Variants in ANKFN1 observed in about 807,000 individuals in gnomAD.
ANKFN1 encodes ankyrin repeat and fibronectin type III domain containing 1.
Under a neutral mutation model 108.7 loss-of-function variants are expected in ANKFN1, and 74 were observed. The observed-to-expected ratio is 0.68, with a 90% confidence interval of 0.56 to 0.83. The LOEUF (loss-of-function observed/expected upper bound fraction) is 0.83. ANKFN1 is among the 40% of genes least tolerant of loss of function. The pLI is 0.00. For synonymous variants in ANKFN1, 547 were observed against 516.2 expected, an observed-to-expected ratio of 1.06 and a Z score of -0.81; for missense variants, 1,505 against 1,382.3, an observed-to-expected ratio of 1.09 and a Z score of -1.41.
At chr17:56,509,255 C>A (rs994909579) in intron 20 of ANKFN1, among the ~76,000 whole-genome samples, 1 of 152,200 alleles carries the variant, frequency 6.6e-6, no homozygotes, top group African/African-American at 2.4e-5. Context: ...GATACTTTCT[C>A]TCTTGTGTGA....
chr17:56,147,168 A>G (rs1260718068), intron 4 of ANKFN1, among the ~76,000 whole-genome samples: 2 of 152,180 alleles, frequency 1.3e-5, no homozygotes, highest in Admixed American at 1.3e-4. Flanking sequence ...TACCACTATC[A>G]GCATTTTGGT....
At chr17:56,382,676 A>G (rs1247728644) in intron 8 of ANKFN1, among the ~76,000 whole-genome samples, 1 of 152,196 alleles carries the variant, frequency 6.6e-6, no homozygotes, top group East Asian at 1.9e-4. Flanking sequence ...AGGTGTTGCA[A>G]TCCTAGTCTC....
At chr17:56,322,761 G>C (rs774393638) in intron 3 of ANKFN1, among the ~76,000 whole-genome samples, 3 of 152,198 alleles carry the variant, frequency 2.0e-5, no homozygotes, top group Non-Finnish European at 4.4e-5. Flanking sequence ...ACAGAAAGAA[G>C]TAATAATTCT....
upstream of ANKFN1, among the ~76,000 whole-genome samples, chr17:56,150,839 G>T (rs1908558574): frequency 7.4e-6 from 1 of 135,642 alleles, no homozygotes; most frequent in African/African-American, 2.8e-5. Flanking sequence ...AGATATCAGT[G>T]ACATTGCTGT....
intron 3 of ANKFN1, among the ~76,000 whole-genome samples, chr17:56,274,249 G>T (rs1241391011): frequency 6.6e-6 from 1 of 152,042 alleles, no homozygotes; most frequent in African/African-American, 2.4e-5. Flanking sequence ...CGAGGCAGGC[G>T]GATCACGAGG....
intron 7 of ANKFN1, among the ~76,000 whole-genome samples, chr17:56,374,323 C>T (rs932571106): frequency 6.6e-6 from 1 of 152,196 alleles, no homozygotes; most frequent in Non-Finnish European, 1.5e-5. Flanking sequence ...TTCACTGATC[C>T]AGCCCAATCT....
At chr17:56,085,423 G>A (rs1905299792) in intron 4 of ANKFN1, among the ~76,000 whole-genome samples, 1 of 150,910 alleles carries the variant, frequency 6.6e-6, no homozygotes, top group African/African-American at 2.4e-5. Context: ...CACAAGCCAA[G>A]GATATCTGGG....
intron 3 of ANKFN1, among the ~76,000 whole-genome samples, chr17:56,304,401 A>T (rs1247299105): frequency 6.6e-6 from 1 of 152,180 alleles, no homozygotes; most frequent in Non-Finnish European, 1.5e-5. Context: ...CTGTTGAAGG[A>T]CAACTGAGTT....
chr17:56,197,814 A>T (rs1913659730), intron 1 of ANKFN1, among the ~76,000 whole-genome samples: 1 of 152,218 alleles, frequency 6.6e-6, no homozygotes, highest in Non-Finnish European at 1.5e-5. Flanking sequence ...TGCACCAGGG[A>T]CCAGTTTCGT....
At chr17:56,073,378 C>T (rs1199122837) in intron 4 of ANKFN1, among the ~76,000 whole-genome samples, 1 of 152,230 alleles carries the variant, frequency 6.6e-6, no homozygotes, top group Non-Finnish European at 1.5e-5. Flanking sequence ...ACTCACGTGT[C>T]TACCACCTGG....
chr17:56,075,630 A>G (rs1905172825), intron 4 of ANKFN1, among the ~76,000 whole-genome samples: 1 of 152,148 alleles, frequency 6.6e-6, no homozygotes, highest in African/African-American at 2.4e-5. Context: ...ATAAACATTC[A>G]TTTATATGTA....
chr17:56,310,806 T>C (rs965580608), intron 3 of ANKFN1, among the ~76,000 whole-genome samples: 3 of 150,118 alleles, frequency 2.0e-5, no homozygotes, highest in African/African-American at 7.4e-5. Flanking sequence ...ATAACAAATT[T>C]CAAGTGTACA....
chr17:56,263,454 A>G (rs939916190), intron 3 of ANKFN1, among the ~76,000 whole-genome samples: 1 of 152,194 alleles, frequency 6.6e-6, no homozygotes, highest in African/African-American at 2.4e-5. Flanking sequence ...AATATTTGCA[A>G]TTTTCTAGAT....
At chr17:56,333,326 A>G (rs905465008) in intron 4 of ANKFN1, among the ~76,000 whole-genome samples, 2 of 152,142 alleles carry the variant, frequency 1.3e-5, no homozygotes, top group Non-Finnish European at 2.9e-5. Context: ...CAGATTGAAG[A>G]GGTTCCCTTA....
At position 56,514,150 on chromosome 17, in the gene ANKFN1, C is replaced by T. The variant is rs1490632734; in HGVS notation, c.*2881C>T. ...TGAGAGCCTCTGAAGGAAACTGTCC[C>T]AGGTCTTCTTTTCCAGGGTTTTCTA... On this transcript the variant is annotated 3_prime_UTR_variant, in exon 21 of 21. Transcript: ENST00000682825. 1.3e-5 allele frequency among the ~76,000 whole-genome samples: 2 copies of T among 152,082 alleles called. No homozygotes were observed. The highest frequency in any genetic ancestry group is 2.9e-5 in the Non-Finnish European group (2 of 68,022).
chr17:56,494,360 G>A (rs2051129774), intron 19 of ANKFN1, among the ~76,000 whole-genome samples: 2 of 152,118 alleles, frequency 1.3e-5, no homozygotes, highest in South Asian at 4.1e-4. Flanking sequence ...TGGGGAAGGG[G>A]TGGGAAAAGG....
At position 56,449,177 on chromosome 17, in the gene ANKFN1, A is replaced by G. The variant is rs1189265682; in HGVS notation, c.1198A>G (p.Ser400Gly). The G allele has an allele frequency of 6.2e-7, 1 of 1,612,938 alleles. No homozygotes were observed. Among genetic ancestry groups the G allele is most frequent in the East Asian group, 2.2e-5 (1 of 44,818 alleles). The change falls in exon 11 of 21, where the codon AGT (serine) becomes GGT (glycine). Residue 400 changes from serine (S) to glycine (G), a missense_variant. By Grantham distance (56) the Ser-to-Gly change is moderately conservative. Coordinates refer to ENST00000682825, the MANE Select transcript of ANKFN1 (RefSeq NM_001370326.1). Reference protein sequence around the residue: ...QQVRALHQHYSCRESTKLQTT... With the variant: ...QQVRALHQHYGCRESTKLQTT... Reference sequence around the variant, plus strand: ...GGTCCGAGCCCTTCATCAGCATTACAGTTGCCGGGGTAAGGATAAAAATCT... The same window carrying G: ...GGTCCGAGCCCTTCATCAGCATTACGGTTGCCGGGGTAAGGATAAAAATCT...
intron 8 of ANKFN1, among the ~76,000 whole-genome samples, chr17:56,420,934 T>G (rs796250579): frequency 2.2e-4 from 34 of 152,194 alleles, no homozygotes; most frequent in African/African-American, 6.5e-4. Context: ...GGTCTCGATC[T>G]CCTGACCTCG....
intron 3 of ANKFN1, among the ~76,000 whole-genome samples, chr17:56,305,876 G>A (rs2192214): frequency 0.11 from 16,562 of 152,074 alleles, 959 homozygotes; most frequent in African/African-American, 0.16. Flanking sequence ...TTTGCCTCTG[G>A]ATGTTCACTT....
Sources: gnomAD v4.1 joint callset for allele counts (sites outside exome capture counted in the v4.1 genomes callset) on GRCh38, gnomAD v4.1.1 for gene constraint, MANE v1.5 for transcripts, NCBI Gene and HGNC (gene_info 2026-07-23, HGNC 2026-07-21) for gene names.